Variants in HERC2 observed in about 807,000 individuals in gnomAD.
HERC2 encodes the protein HECT and RLD domain containing E3 ubiquitin protein ligase 2.
Under a neutral mutation model 537.7 loss-of-function variants are expected in HERC2, and 102 were observed. That is an observed-to-expected ratio of 0.19 (90% CI 0.16 to 0.22). The LOEUF is 0.22. HERC2 is among the 10% of genes least tolerant of loss of function. The pLI is 1.00. For synonymous variants in HERC2, 2,224 were observed against 2,466.2 expected (o/e 0.90, Z 2.91); for missense variants, 4,236 against 6,198.2 (o/e 0.68, Z 10.63).
In HERC2 at chr15:28,201,117, G is replaced by A. The variant is rs972958119; in HGVS notation, c.7716+339C>T. The stretch of plus-strand genomic sequence containing the variant: ...TGCCCCTCTGTCCTCTGGCTACACC[G>A]GGGCAGCCACAGCAGCCTCTGTCTG... On this transcript the variant is annotated intron_variant, in intron 48 of 92. Coordinates refer to ENST00000261609, the MANE Select transcript of HERC2 (RefSeq NM_004667.6). Among the ~76,000 whole-genome samples the A allele has an allele frequency of 1.3e-4, 19 of 150,598 alleles. No homozygotes were observed. In the East Asian group the frequency reaches 1.6e-3, roughly 12 times the overall value.
chr15:28,189,062 G>C (rs376424605), intron 55 of HERC2, among the ~76,000 whole-genome samples: 90 of 152,234 alleles, frequency 5.9e-4, no homozygotes, highest in East Asian at 5.2e-3. Context: ...ACTCCAGCCT[G>C]GGCGACAGAG....
chr15:28,281,360 C>T (rs1228809101), intron 4 of HERC2, among the ~76,000 whole-genome samples: 1 of 152,194 alleles, frequency 6.6e-6, no homozygotes, highest in Middle Eastern at 3.2e-3. Flanking sequence ...CCTCTAACAG[C>T]ACAGCTCCCA....
chr15:28,149,412 C>A (rs1448172469), intron 70 of HERC2, among the ~76,000 whole-genome samples: 3 of 151,526 alleles, frequency 2.0e-5, no homozygotes, highest in Non-Finnish European at 4.4e-5. Context: ...CACCAACATA[C>A]ATTCTAGTAA....
intron 69 of HERC2, among the ~76,000 whole-genome samples, chr15:28,162,316 G>C (rs1893687455): frequency 6.6e-6 from 1 of 152,180 alleles, no homozygotes. Context: ...CCGGGTGAAG[G>C]AGACTGTCTC....
intron 23 of HERC2, among the ~76,000 whole-genome samples, chr15:28,244,448 G>A (rs1903461025): frequency 6.6e-6 from 1 of 152,194 alleles, no homozygotes; most frequent in Non-Finnish European, 1.5e-5. Flanking sequence ...TGACCACACA[G>A]CCTGGGGAAG....
rs1488970600 is a variant in HERC2 at position 28,175,505 on chromosome 15, G to A, written c.9831+7C>T. Reference sequence around the variant, plus strand: ...GCACGCCACCCCCAGGCCACCTGCAGCCTTACCTGCCCCGAGTCCGTGACC... The same window carrying A: ...GCACGCCACCCCCAGGCCACCTGCAACCTTACCTGCCCCGAGTCCGTGACC... On this transcript the variant is annotated splice_region_variant and intron_variant, in intron 64 of 92. Transcript: ENST00000261609. 6.8e-5 allele frequency: 110 copies of A among 1,608,126 alleles called. No individual in the cohort carries two copies. Among genetic ancestry groups the A allele is most frequent in the Non-Finnish European group, 8.8e-5 (104 of 1,176,934 alleles).
intron 23 of HERC2, among the ~76,000 whole-genome samples, chr15:28,240,803 G>C (rs1000441934): frequency 1.3e-5 from 2 of 152,204 alleles, no homozygotes; most frequent in Non-Finnish European, 2.9e-5. Flanking sequence ...GGAAAGAAGA[G>C]CCTTTTCAAT....
chr15:28,276,134 C>T (rs2075865612), intron 5 of HERC2, among the ~76,000 whole-genome samples: 2 of 140,322 alleles, frequency 1.4e-5, no homozygotes. Context: ...TGCAGTGAGC[C>T]AAGATCGCAC....
At chr15:28,165,779 A>C (rs1894072954) in intron 68 of HERC2, among the ~76,000 whole-genome samples, 1 of 152,174 alleles carries the variant, frequency 6.6e-6, no homozygotes, top group Admixed American at 6.5e-5. Flanking sequence ...CAGCCTGGGC[A>C]ACAGAACAAG....
chr15:28,300,113 G>C (rs1273957266), intron 2 of HERC2, among the ~76,000 whole-genome samples: 2 of 151,262 alleles, frequency 1.3e-5, no homozygotes, highest in Non-Finnish European at 2.9e-5. Flanking sequence ...ACACACACGT[G>C]CATGTGCTCT....
At chr15:28,314,322 T>C (rs1259544337) in intron 2 of HERC2, among the ~76,000 whole-genome samples, 1 of 152,022 alleles carries the variant, frequency 6.6e-6, no homozygotes, top group South Asian at 2.1e-4. Context: ...TGAACTAAAG[T>C]GTTAACACTC....
intron 2 of HERC2, among the ~76,000 whole-genome samples, chr15:28,314,376 G>A (rs941946053): frequency 3.3e-5 from 5 of 152,110 alleles, no homozygotes; most frequent in Admixed American, 6.5e-5. Flanking sequence ...GAGGGAAGTG[G>A]GAAAGTGAGA....
At chr15:28,120,243 A>G (rs937944161) in intron 86 of HERC2, among the ~76,000 whole-genome samples, 2 of 152,264 alleles carry the variant, frequency 1.3e-5, no homozygotes, top group Non-Finnish European at 2.9e-5. Context: ...ACGTCAGTGA[A>G]GAGACCAGCT....
rs753235973 is a variant in HERC2, at chr15:28,144,244, G to A, written c.11141-9C>T. On this transcript the variant is annotated splice_polypyrimidine_tract_variant and intron_variant, in intron 72 of 92. Coordinates refer to ENST00000261609, the MANE Select transcript of HERC2 (RefSeq NM_004667.6). ...GAGGAGTTCTTTAGGGCCTGTGAAT[G>A]AACACTGTAAACATCCCCGGGTTTC... 1.2e-6 allele frequency: 2 copies of A among 1,613,422 alleles called. No individual in the cohort carries two copies. The highest frequency in any genetic ancestry group is 2.2e-5 in the South Asian group (2 of 91,044).
At chr15:28,144,304 C>T (rs1335429156) in intron 72 of HERC2, 69 bp from the exon 73 acceptor site, 20 of 1,539,744 alleles carry the variant, frequency 1.3e-5, no homozygotes, top group South Asian at 2.4e-5. Flanking sequence ...AAGCCGCCAA[C>T]GAACAAGGGT....
At chr15:28,172,716 C>T (rs754784735) in intron 65 of HERC2, among the ~76,000 whole-genome samples, 10 of 152,108 alleles carry the variant, frequency 6.6e-5, no homozygotes, top group Non-Finnish European at 1.2e-4. Context: ...GTTTTGTAGA[C>T]ACAACATCAA....
intron 12 of HERC2, among the ~76,000 whole-genome samples, chr15:28,266,923 G>A (rs1298818563): frequency 3.3e-5 from 5 of 152,142 alleles, no homozygotes; most frequent in South Asian, 2.1e-4. Flanking sequence ...GCCTCATAAA[G>A]CTGACCGACA....
At chr15:28,288,563 G>A (rs2076223944) in intron 4 of HERC2, among the ~76,000 whole-genome samples, 1 of 149,774 alleles carries the variant, frequency 6.7e-6, no homozygotes, top group Admixed American at 6.6e-5. Flanking sequence ...GAGGCCAGGT[G>A]TGGTGGCTCA....
At chr15:28,211,474 G>A (rs1462582530) in intron 43 of HERC2, among the ~76,000 whole-genome samples, 1 of 152,086 alleles carries the variant, frequency 6.6e-6, no homozygotes, top group Non-Finnish European at 1.5e-5. Context: ...AGTTTCAGCC[G>A]CTTTCACTCT....
Sources: allele counts gnomAD v4.1 joint callset (sites outside exome capture counted in the v4.1 genomes callset), GRCh38; gene constraint gnomAD v4.1.1; transcripts MANE v1.5; gene names NCBI Gene and HGNC (gene_info 2026-07-23, HGNC 2026-07-21).